Variants in SAMD5 observed in about 807,000 individuals in gnomAD.
SAMD5 encodes sterile alpha motif domain containing 5.
In SAMD5, 13 loss-of-function variants were observed where a neutral mutation model predicts 11.3. The observed-to-expected ratio is 1.15, with a 90% CI of 0.75 to 1.83. SAMD5 has a LOEUF of 1.83. Among genes scored for constraint, SAMD5 ranks in the 40% most tolerant of loss-of-function variants. SAMD5 has a pLI of 0.00. For missense variants in SAMD5, 255 were observed against 239.1 expected, an observed-to-expected ratio of 1.07 and a Z score of -0.44; for synonymous variants, 129 against 111.3, an observed-to-expected ratio of 1.16 and a Z score of -1.00.
At chr6:147,509,414 G>T in intron 1 of SAMD5, 27 bp downstream of exon 1, 1 of 1,495,690 alleles carries the variant, frequency 6.7e-7, no homozygotes, top group East Asian at 2.9e-5. Context: ...CGGGCGGCCC[G>T]GGGCGCGCGG....
chr6:147,645,505 TAC>T (rs2128452802), intron 1 of SAMD5, among the ~76,000 whole-genome samples: 1 of 152,278 alleles, frequency 6.6e-6, no homozygotes, highest in East Asian at 1.9e-4. Flanking sequence ...TATGTATTTA[TAC>T]ACTTACTGCA....
the SAMD5 span, among the ~76,000 whole-genome samples, chr6:147,783,829 A>G: frequency 6.6e-6 from 1 of 152,088 alleles, no homozygotes; most frequent in Non-Finnish European, 1.5e-5. Flanking sequence ...AGGAATTAGG[A>G]TTTGCCAAAT....
chr6:147,643,756 G>A (rs12110650), intron 1 of SAMD5, among the ~76,000 whole-genome samples: 11 of 141,056 alleles, frequency 7.8e-5, no homozygotes, highest in African/African-American at 2.9e-4. Flanking sequence ...AAGGAAGGAA[G>A]GAAGGAAGGA....
chr6:147,771,741 C>T, the SAMD5 span, among the ~76,000 whole-genome samples: 1 of 152,200 alleles, frequency 6.6e-6, no homozygotes, highest in Non-Finnish European at 1.5e-5. Flanking sequence ...TGGTGTCTTT[C>T]TCTTCATCCT....
the SAMD5 span, among the ~76,000 whole-genome samples, chr6:147,889,659 T>G: frequency 6.6e-6 from 1 of 152,208 alleles, no homozygotes; most frequent in African/African-American, 2.4e-5. Context: ...AGACAATTCC[T>G]AGTATCCTAA....
chr6:147,854,842 T>C, the SAMD5 span, among the ~76,000 whole-genome samples: 1 of 152,170 alleles, frequency 6.6e-6, no homozygotes, highest in Non-Finnish European at 1.5e-5. Context: ...TTTGAATAAA[T>C]GAACTAATCA....
At chr6:147,872,298 C>G in the SAMD5 span, among the ~76,000 whole-genome samples, 9 of 151,938 alleles carry the variant, frequency 5.9e-5, no homozygotes, top group African/African-American at 1.9e-4. Context: ...GGGTCTTGCT[C>G]TGTTGTCCAG....
At chr6:147,715,265 G>C (rs1200436021) in intron 1 of SAMD5, among the ~76,000 whole-genome samples, 2 of 152,230 alleles carry the variant, frequency 1.3e-5, no homozygotes, top group Admixed American at 6.5e-5. Context: ...GCCAGGCGCA[G>C]AGCAGTGAGG....
chr6:147,789,615 G>C, the SAMD5 span, among the ~76,000 whole-genome samples: 1 of 152,036 alleles, frequency 6.6e-6, no homozygotes, highest in Non-Finnish European at 1.5e-5. Context: ...AAGAAATGCT[G>C]ATACATTGTT....
At chr6:147,536,012 C>T (rs1245140691) in intron 1 of SAMD5, among the ~76,000 whole-genome samples, 1 of 150,906 alleles carries the variant, frequency 6.6e-6, no homozygotes, top group Non-Finnish European at 1.5e-5. Context: ...GAGACGGACT[C>T]TCGCTCTGTT....
At chr6:147,517,409 G>T (rs189007718) in intron 1 of SAMD5, among the ~76,000 whole-genome samples, 2 of 152,086 alleles carry the variant, frequency 1.3e-5, no homozygotes, top group Admixed American at 6.5e-5. Flanking sequence ...GGTTTGCTTG[G>T]ACATCTCAGC....
chr6:147,546,017 T>C lies in SAMD5; in HGVS notation c.460-18377T>C, dbSNP rs192185274. 5.9e-5 allele frequency among the ~76,000 whole-genome samples: 9 copies of C among 152,274 alleles called. 1 individual carries two copies. In the East Asian group the frequency reaches 1.7e-3, roughly 29 times the overall value. On this transcript the variant is annotated intron_variant, in intron 1 of 1. Transcript: ENST00000367474. ...GTATTATTCAGGATAAGGTAGGGTA[T>C]GGTTTAATAAGAAAATATCTGCCCC...
chr6:147,819,605 A>C, the SAMD5 span, among the ~76,000 whole-genome samples: 1 of 152,208 alleles, frequency 6.6e-6, no homozygotes, highest in Non-Finnish European at 1.5e-5. Flanking sequence ...AACAAAGGAC[A>C]ATGAGTTGTG....
chr6:147,948,261 G>A, the SAMD5 span, among the ~76,000 whole-genome samples: 1 of 143,264 alleles, frequency 7.0e-6, no homozygotes, highest in African/African-American at 2.6e-5. Context: ...CCAGGATGAA[G>A]ATGAATTGCA....
chr6:147,902,711 C>A, the SAMD5 span, among the ~76,000 whole-genome samples: 1 of 152,290 alleles, frequency 6.6e-6, no homozygotes, highest in African/African-American at 2.4e-5. Context: ...ACCATCCTGA[C>A]CTTGTCCGCT....
At chr6:147,735,899 A>G (rs77230833) in intron 1 of SAMD5, among the ~76,000 whole-genome samples, 2,158 of 152,300 alleles carry the variant, frequency 0.014, 60 homozygotes, top group African/African-American at 0.049. Context: ...CTTGGCTTCA[A>G]ATCCTAGCTT....
chr6:147,933,058 G>C, the SAMD5 span, among the ~76,000 whole-genome samples: 1 of 152,180 alleles, frequency 6.6e-6, no homozygotes, highest in African/African-American at 2.4e-5. Flanking sequence ...ACCAAGAGCA[G>C]AGCCACTTGA....
intron 1 of SAMD5, among the ~76,000 whole-genome samples, chr6:147,628,574 G>A (rs1790092783): frequency 6.6e-6 from 1 of 152,138 alleles, no homozygotes; most frequent in African/African-American, 2.4e-5. Context: ...TTTATCAGAG[G>A]TTATCTTGAT....
At chr6:147,728,421 G>A (rs945305720) in intron 1 of SAMD5, among the ~76,000 whole-genome samples, 2 of 152,058 alleles carry the variant, frequency 1.3e-5, no homozygotes, top group African/African-American at 4.8e-5. Context: ...CCCTCTCAAA[G>A]AAGAAACAAA....
Sources: allele counts gnomAD v4.1 joint callset (sites outside exome capture counted in the v4.1 genomes callset), GRCh38; gene constraint gnomAD v4.1.1; transcripts MANE v1.5; gene names NCBI Gene and HGNC (gene_info 2026-07-23, HGNC 2026-07-21).